SLC22A15: variants seen among roughly 807,000 people sequenced by gnomAD.
SLC22A15 encodes flipt 1.
In SLC22A15, 45 loss-of-function variants were observed where a neutral mutation model predicts 62.7. The ratio of observed to expected loss-of-function variants is 0.72; its 90% CI spans 0.56 to 0.92. SLC22A15 has a LOEUF of 0.92. Among genes scored for constraint, SLC22A15 ranks in the 40% least tolerant of loss-of-function variants. The pLI, the probability that SLC22A15 is intolerant of heterozygous loss-of-function variation, is 0.00. For missense variants in SLC22A15, 622 were observed against 665.6 expected (o/e 0.93, Z 0.72); for synonymous variants, 264 against 267.0 (o/e 0.99, Z 0.11).
In SLC22A15 at chr1:116,019,722, A is replaced by G. The variant is rs781089080; in HGVS notation, c.433+8A>G. ...AAAAAGTCTATCTCACAGGTAATCT[A>G]TTAGAGTATTCATAAACTGGATGAG... On this transcript the variant is annotated splice_region_variant and intron_variant, in intron 3 of 11. Transcript: ENST00000369503. 11 of 1,603,216 alleles carry G rather than the reference A, an allele frequency of 6.9e-6. No homozygotes were observed. In the South Asian group the frequency reaches 1.2e-4, roughly 18 times the overall value.
chr1:116,058,557 A>T (rs982164253), intron 8 of SLC22A15, among the ~76,000 whole-genome samples: 13 of 152,208 alleles, frequency 8.5e-5, no homozygotes, highest in African/African-American at 3.1e-4. Flanking sequence ...AAACCGTGTG[A>T]AGATTCCTTA....
intron 1 of SLC22A15, 60 bp downstream of exon 1, chr1:115,976,774 A>T (rs1654313234): frequency 7.5e-7 from 1 of 1,341,350 alleles, no homozygotes; most frequent in Admixed American, 1.9e-5. Context: ...GCGCAGGGCT[A>T]GGCGTCCGCT....
chr1:116,066,370 T>C (rs1053379544), intron 10 of SLC22A15, 150 bp from the exon 11 acceptor site: 2 of 613,060 alleles, frequency 3.3e-6, no homozygotes, highest in African/African-American at 3.7e-5. Flanking sequence ...TAATTCTTTA[T>C]GTGGAAAGAA....
intron 2 of SLC22A15, among the ~76,000 whole-genome samples, chr1:115,998,400 A>G (rs1655532324): frequency 6.6e-6 from 1 of 152,158 alleles, no homozygotes; most frequent in Non-Finnish European, 1.5e-5. Context: ...AGAATTCAGC[A>G]GTAAAGCCAA....
intron 4 of SLC22A15, among the ~76,000 whole-genome samples, chr1:116,022,490 T>G (rs1447033415): frequency 6.6e-6 from 1 of 152,198 alleles, no homozygotes; most frequent in Non-Finnish European, 1.5e-5. Flanking sequence ...CTCTTAACAT[T>G]TCTCCATTAT....
chr1:116,003,514 G>A (rs556289005), intron 2 of SLC22A15, among the ~76,000 whole-genome samples: 6 of 152,320 alleles, frequency 3.9e-5, no homozygotes, highest in South Asian at 2.1e-4. Context: ...TGGGATGGGC[G>A]ATTCCTCTCT....
chr1:116,061,932 G>A lies in SLC22A15; in HGVS notation c.1172-830G>A, dbSNP rs557927083. ...CTTGTTATTTAAAGAACATCGGCTG[G>A]GCGTGGTGGCTCACACCTGTAATCT... On this transcript the variant is annotated intron_variant, in intron 8 of 11. Coordinates refer to ENST00000369503, the MANE Select transcript of SLC22A15 (RefSeq NM_018420.3). 3.9e-5 allele frequency among the ~76,000 whole-genome samples: 6 copies of A among 152,238 alleles called. No individual in the cohort carries two copies. In the East Asian group the frequency reaches 1.2e-3, roughly 29 times the overall value.
At chr1:116,020,445 A>G (rs1656766746) in intron 3 of SLC22A15, among the ~76,000 whole-genome samples, 1 of 151,516 alleles carries the variant, frequency 6.6e-6, no homozygotes, top group African/African-American at 2.4e-5. Context: ...AGTCCCAGCT[A>G]CCCGGGAGGC....
intron 2 of SLC22A15, among the ~76,000 whole-genome samples, chr1:116,018,735 A>T (rs1179574120): frequency 1.3e-5 from 2 of 152,184 alleles, no homozygotes; most frequent in African/African-American, 2.4e-5. Flanking sequence ...CATTTCTGTC[A>T]TCTCAAATAT....
chr1:116,063,373 A>G (rs1658426915), intron 9 of SLC22A15, among the ~76,000 whole-genome samples: 1 of 152,216 alleles, frequency 6.6e-6, no homozygotes, highest in Admixed American at 6.5e-5. Context: ...ATATGTTTAT[A>G]TTGAAAAGAA....
intron 8 of SLC22A15, among the ~76,000 whole-genome samples, chr1:116,053,033 A>T (rs1658104357): frequency 6.6e-6 from 1 of 152,244 alleles, no homozygotes; most frequent in Non-Finnish European, 1.5e-5. Flanking sequence ...GTTCCTCACC[A>T]GCAACAGAAC....
chr1:116,022,524 G>A (rs1352335863), intron 4 of SLC22A15, among the ~76,000 whole-genome samples: 5 of 152,004 alleles, frequency 3.3e-5, no homozygotes, highest in African/African-American at 4.8e-5. Flanking sequence ...GATTTTAGTC[G>A]TTGCATGAAG....
intron 2 of SLC22A15, among the ~76,000 whole-genome samples, chr1:116,009,595 T>C (rs1433750200): frequency 6.6e-6 from 1 of 152,192 alleles, no homozygotes; most frequent in Non-Finnish European, 1.5e-5. Flanking sequence ...TGTGTTGAGT[T>C]CATCCTTATT....
chr1:116,012,413 C>G (rs1285486853), intron 2 of SLC22A15, among the ~76,000 whole-genome samples: 1 of 109,800 alleles, frequency 9.1e-6, no homozygotes, highest in Non-Finnish European at 2.4e-5. Context: ...AGACCCTGTC[C>G]CTTAAAAAGA....
intron 8 of SLC22A15, among the ~76,000 whole-genome samples, chr1:116,055,054 C>G (rs1658164004): frequency 6.6e-6 from 1 of 151,154 alleles, no homozygotes; most frequent in South Asian, 2.1e-4. Context: ...TAACTAAAAT[C>G]AGAGCAGAAC....
intron 8 of SLC22A15, among the ~76,000 whole-genome samples, chr1:116,062,313 T>C (rs1475955413): frequency 6.6e-6 from 1 of 152,212 alleles, no homozygotes; most frequent in East Asian, 1.9e-4. Flanking sequence ...GCAAACTGCA[T>C]ATAAGAGCTT....
rs1243728002 is a variant in SLC22A15 at position 116,067,932 on chromosome 1, CTTT to C, written c.*825_*827del. The stretch of plus-strand genomic sequence containing the variant: ...AAATCATGCATAGTAAATGAGAAAG[CTTT>C]AAGTAGAGGGCAGTTAAACAGTGAC... On this transcript the variant is annotated 3_prime_UTR_variant, in exon 12 of 12. Coordinates refer to ENST00000369503, the MANE Select transcript of SLC22A15 (RefSeq NM_018420.3). 3 of 151,930 alleles carry C rather than the reference CTTT, an allele frequency of 2.0e-5. No individual in the cohort carries two copies. The highest frequency in any genetic ancestry group is 1.3e-4 in the Admixed American group (2 of 15,232). The allele number at this position is 151,930 out of a possible 1,614,324, so 9.4% of individuals were successfully genotyped here.
At chr1:116,023,187 A>G (rs766741564) in intron 4 of SLC22A15, among the ~76,000 whole-genome samples, 10 of 152,226 alleles carry the variant, frequency 6.6e-5, no homozygotes, top group Non-Finnish European at 7.3e-5. Flanking sequence ...ATATGTAAAC[A>G]TATACCAAAA....
intron 8 of SLC22A15, among the ~76,000 whole-genome samples, chr1:116,039,914 AG>A: frequency 6.6e-6 from 1 of 152,224 alleles, no homozygotes; most frequent in East Asian, 1.9e-4. Flanking sequence ...GTACATATAA[AG>A]AAAATGACCT....
Sources: allele counts gnomAD v4.1 joint callset (sites outside exome capture counted in the v4.1 genomes callset), GRCh38; gene constraint gnomAD v4.1.1; transcripts MANE v1.5; gene names NCBI Gene and HGNC (gene_info 2026-07-23, HGNC 2026-07-21).